EIF4EBP2: variants seen among roughly 807,000 people sequenced by gnomAD.
The protein encoded by EIF4EBP2 is eukaryotic translation initiation factor 4E binding protein 2.
Under a neutral mutation model 10.3 loss-of-function variants are expected in EIF4EBP2, and 5 were observed. The observed-to-expected ratio is 0.48, with a 90% confidence interval of 0.25 to 1.02. EIF4EBP2 has a LOEUF of 1.02. Among genes scored for constraint, EIF4EBP2 ranks in the 50% least tolerant of loss-of-function variants. The pLI is 0.15. For missense variants in EIF4EBP2, 188 were observed against 162.2 expected (o/e 1.16, Z -0.86); for synonymous variants, 67 against 61.1 (o/e 1.10, Z -0.45).
rs1180913137 is a variant in EIF4EBP2, at chr10:70,428,069, C to A, written c.*6322C>A. Reference sequence around the variant, plus strand: ...CTAAGAGGCAGGTTGCTGGGTAAGCCATCCTGCTCCTACCTGGTGCCTGTA... The same window carrying A: ...CTAAGAGGCAGGTTGCTGGGTAAGCAATCCTGCTCCTACCTGGTGCCTGTA... On this transcript the variant is annotated 3_prime_UTR_variant, in exon 3 of 3. Transcript: ENST00000373218. 4.6e-5 allele frequency: 7 copies of A among 151,304 alleles called. No individual in the cohort carries two copies. The highest frequency in any genetic ancestry group is 7.4e-5 in the Non-Finnish European group (5 of 67,914). 9.4% of individuals were successfully genotyped at this position (151,304 alleles called of 1,614,324 possible).
chr10:70,418,048 T>C (rs1845115290), intron 1 of EIF4EBP2, among the ~76,000 whole-genome samples: 1 of 152,216 alleles, frequency 6.6e-6, no homozygotes, highest in Non-Finnish European at 1.5e-5. Flanking sequence ...ATTCTTATGT[T>C]GAAACCTTAA....
At position 70,424,176 on chromosome 10, in the gene EIF4EBP2, G is replaced by A. The variant is rs1450070148; in HGVS notation, c.*2429G>A. ...ACGGTGAGGAATGGATTTAAAGCATGAGCTTTAGTAGTATCAAGATGCCAT... is the reference window on the plus strand; with the variant it reads ...ACGGTGAGGAATGGATTTAAAGCATAAGCTTTAGTAGTATCAAGATGCCAT... On this transcript the variant is annotated 3_prime_UTR_variant, in exon 3 of 3. Transcript: ENST00000373218. 1 of 152,172 alleles carries A rather than the reference G, an allele frequency of 6.6e-6. No homozygotes were observed. Among genetic ancestry groups the A allele is most frequent in the Non-Finnish European group, 1.5e-5 (1 of 68,030 alleles). The allele number at this position is 152,172 out of a possible 1,614,324, so 9.4% of individuals were successfully genotyped here.
chr10:70,417,150 A>C (rs1279873406), intron 1 of EIF4EBP2, among the ~76,000 whole-genome samples: 1 of 152,244 alleles, frequency 6.6e-6, no homozygotes, highest in East Asian at 1.9e-4. Context: ...ACATACAATG[A>C]AATATTTGGT....
intron 1 of EIF4EBP2, among the ~76,000 whole-genome samples, chr10:70,405,497 A>G (rs1844956576): frequency 6.6e-6 from 1 of 152,196 alleles, no homozygotes; most frequent in African/African-American, 2.4e-5. Context: ...GAGCCTGGAA[A>G]GCGATTTTGA....
intron 1 of EIF4EBP2, among the ~76,000 whole-genome samples, chr10:70,405,712 T>C (rs941885129): frequency 6.6e-6 from 1 of 152,122 alleles, no homozygotes; most frequent in African/African-American, 2.4e-5. Context: ...CTTAAATCAG[T>C]TGCACAATAG....
intron 1 of EIF4EBP2, among the ~76,000 whole-genome samples, chr10:70,406,967 G>A (rs542693471): frequency 6.6e-6 from 1 of 152,144 alleles, no homozygotes; most frequent in South Asian, 2.1e-4. Flanking sequence ...GCGCGATCTC[G>A]GCTCACTGCA....
intron 1 of EIF4EBP2, among the ~76,000 whole-genome samples, chr10:70,415,641 C>T (rs1845086774): frequency 6.6e-6 from 1 of 152,184 alleles, no homozygotes; most frequent in South Asian, 2.1e-4. Flanking sequence ...GCCCATTGAT[C>T]TTCAACAAGG....
At chr10:70,413,941 T>C (rs762876829) in intron 1 of EIF4EBP2, among the ~76,000 whole-genome samples, 42 of 152,234 alleles carry the variant, frequency 2.8e-4, no homozygotes, top group Non-Finnish European at 5.3e-4. Context: ...GGTTAACTTG[T>C]TTCTAGTTAC....
At chr10:70,415,846 GAT>G (rs1377815987) in intron 1 of EIF4EBP2, among the ~76,000 whole-genome samples, 7 of 149,636 alleles carry the variant, frequency 4.7e-5, no homozygotes, top group Non-Finnish European at 1.0e-4. Context: ...AGTGGCCTGA[GAT>G]ATGACTCCAA....
intron 1 of EIF4EBP2, among the ~76,000 whole-genome samples, chr10:70,419,042 C>G (rs1459135051): frequency 6.6e-6 from 1 of 152,208 alleles, no homozygotes; most frequent in Non-Finnish European, 1.5e-5. Flanking sequence ...GACTCAGACT[C>G]CTGGGCTCAA....
At chr10:70,421,238 A>G (rs1052991443) in intron 2 of EIF4EBP2, among the ~76,000 whole-genome samples, 1 of 152,190 alleles carries the variant, frequency 6.6e-6, no homozygotes, top group Admixed American at 6.6e-5. Flanking sequence ...TCACTGTAGA[A>G]GCAGAATGGT....
chr10:70,419,871 AC>A (rs1845136030), intron 1 of EIF4EBP2, 42 bp from the exon 2 acceptor site: 1 of 1,394,968 alleles, frequency 7.2e-7, no homozygotes, highest in Non-Finnish European at 9.7e-7. Context: ...TATGTTGATA[AC>A]CCCTTAAATT....
At chr10:70,418,011 A>G (rs534721548) in intron 1 of EIF4EBP2, among the ~76,000 whole-genome samples, 2 of 152,212 alleles carry the variant, frequency 1.3e-5, no homozygotes, top group Admixed American at 6.5e-5. Flanking sequence ...AGGGTGTGCT[A>G]TACAGATTGA....
At chr10:70,415,619 C>T (rs1845086645) in intron 1 of EIF4EBP2, among the ~76,000 whole-genome samples, 1 of 151,948 alleles carries the variant, frequency 6.6e-6, no homozygotes, top group African/African-American at 2.4e-5. Flanking sequence ...AGAAATAAAC[C>T]CAGCAATAAT....
At position 70,420,816 on chromosome 10, in the gene EIF4EBP2, A is replaced by C. The variant is rs555077198; in HGVS notation, c.331+717A>C. Among the ~76,000 whole-genome samples the C allele has an allele frequency of 4.6e-5, 7 of 152,194 alleles. No individual in the cohort carries two copies. In the South Asian group the frequency reaches 6.2e-4, roughly 14 times the overall value. On this transcript the variant is annotated intron_variant, in intron 2 of 2. Transcript: ENST00000373218. ...CTTTTGTTTTGTTTTGTTTTTTGAGACGGAGTCTTGCTCTGTTGCCCAGGC... is the reference window on the plus strand; with the variant it reads ...CTTTTGTTTTGTTTTGTTTTTTGAGCCGGAGTCTTGCTCTGTTGCCCAGGC...
At chr10:70,409,338 G>T (rs1467825229) in intron 1 of EIF4EBP2, among the ~76,000 whole-genome samples, 1 of 152,048 alleles carries the variant, frequency 6.6e-6, no homozygotes, top group Non-Finnish European at 1.5e-5. Flanking sequence ...GGAGGAGTGG[G>T]GATGATATTT....
At position 70,407,738 on chromosome 10, in the gene EIF4EBP2, C is replaced by CCCCG. The variant is rs1205301614; in HGVS notation, c.145+3194_145+3195insCGCC. ...TCCCGGGCGGGGGGCTGACCCCCCC[C>CCCCG]CCACCTCCCTCCCAGACGGGGCGGC... On this transcript the variant is annotated intron_variant, in intron 1 of 2. Transcript: ENST00000373218. 3.5e-4 allele frequency among the ~76,000 whole-genome samples: 49 copies of CCCCG among 139,874 alleles called. 1 individual carries two copies. Among genetic ancestry groups the CCCCG allele is most frequent in the African/African-American group, 1.1e-3 (42 of 36,944 alleles). The allele number at this position is 139,874 out of a possible 152,430, so 91.8% of individuals were successfully genotyped here. A position where few individuals can be genotyped will look rare whatever the true frequency, so the allele number is the denominator to read the frequency against.
chr10:70,410,071 T>TC (rs1483138503), intron 1 of EIF4EBP2, among the ~76,000 whole-genome samples: 1 of 152,042 alleles, frequency 6.6e-6, no homozygotes, highest in Non-Finnish European at 1.5e-5. Flanking sequence ...CTGCTTTTTT[T>TC]TTTCTTTCTT....
At position 70,419,908 on chromosome 10, in the gene EIF4EBP2, T is replaced by C; in HGVS notation, c.146-6T>C. On this transcript the variant is annotated splice_region_variant and splice_polypyrimidine_tract_variant and intron_variant, in intron 1 of 2. Transcript: ENST00000373218. The stretch of plus-strand genomic sequence containing the variant: ...GTTTCAAACTCTTTTTAACCCTGTT[T>C]TCCAGGAACTCGAATCATTTATGAC... The C allele has an allele frequency of 1.3e-6, 2 of 1,563,644 alleles. No individual in the cohort carries two copies. Among genetic ancestry groups the C allele is most frequent in the South Asian group, 2.4e-5 (2 of 83,676 alleles).
Sources: gnomAD v4.1 joint callset for allele counts (sites outside exome capture counted in the v4.1 genomes callset) on GRCh38, gnomAD v4.1.1 for gene constraint, MANE v1.5 for transcripts, NCBI Gene and HGNC (gene_info 2026-07-23, HGNC 2026-07-21) for gene names.